The following FRMD4A variants were observed in gnomAD, a reference collection of about 807,000 sequenced individuals.
FRMD4A encodes the protein FERM domain-containing protein 4A.
In FRMD4A, 29 loss-of-function variants were observed where a neutral mutation model predicts 129.1. The ratio of observed to expected loss-of-function variants is 0.22; its 90% CI spans 0.17 to 0.31. The LOEUF is 0.31. Among genes scored for constraint, FRMD4A ranks in the 10% least tolerant of loss-of-function variants. The pLI, the probability that FRMD4A is intolerant of heterozygous loss-of-function variation, is 1.00. For synonymous variants in FRMD4A, 634 were observed against 571.6 expected (o/e 1.11, Z -1.56); for missense variants, 1,272 against 1,375.8 (o/e 0.92, Z 1.19).
intron 2 of FRMD4A, among the ~76,000 whole-genome samples, chr10:14,127,661 T>G (rs1054536306): frequency 2.6e-5 from 4 of 152,194 alleles, no homozygotes; most frequent in African/African-American, 9.7e-5. Flanking sequence ...CTTTTTTGCC[T>G]TTTCACTCAC....
At chr10:14,115,116 A>G (rs1033362121) in intron 2 of FRMD4A, among the ~76,000 whole-genome samples, 1 of 152,196 alleles carries the variant, frequency 6.6e-6, no homozygotes, top group African/African-American at 2.4e-5. Flanking sequence ...AAGGAGACCA[A>G]ATGAGAGCCT....
intron 2 of FRMD4A, among the ~76,000 whole-genome samples, chr10:14,030,849 G>T (rs1183935782): frequency 6.6e-6 from 1 of 152,104 alleles, no homozygotes. Context: ...CATTTTGACA[G>T]CCTCTCCAAT....
intron 2 of FRMD4A, among the ~76,000 whole-genome samples, chr10:13,893,519 C>T (rs1415123393): frequency 6.6e-6 from 1 of 151,798 alleles, no homozygotes. Flanking sequence ...TTCAGACCTA[C>T]AACATTTTTT....
intron 2 of FRMD4A, among the ~76,000 whole-genome samples, chr10:13,958,747 G>A (rs1158096887): frequency 2.6e-5 from 4 of 151,846 alleles, no homozygotes; most frequent in Non-Finnish European, 5.9e-5. Flanking sequence ...CCCCACGCCT[G>A]GCTAATTTTA....
intron 2 of FRMD4A, among the ~76,000 whole-genome samples, chr10:13,897,753 A>G (rs372468435): frequency 9.2e-5 from 14 of 151,830 alleles, no homozygotes; most frequent in African/African-American, 3.1e-4. Flanking sequence ...CCTGGTCAAC[A>G]TGGTGAAACC....
At chr10:14,297,803 C>T (rs1008260194) in intron 2 of FRMD4A, among the ~76,000 whole-genome samples, 2 of 152,130 alleles carry the variant, frequency 1.3e-5, no homozygotes, top group African/African-American at 4.8e-5. Flanking sequence ...CCCTGGGAGT[C>T]CAAGGAGGCA....
At chr10:13,934,238 A>C (rs2095229529) in intron 2 of FRMD4A, among the ~76,000 whole-genome samples, 1 of 152,240 alleles carries the variant, frequency 6.6e-6, no homozygotes, top group South Asian at 2.1e-4. Context: ...TACCTCACTC[A>C]AATGATGCCT....
chr10:13,741,579 T>A (rs1489958901), intron 9 of FRMD4A, among the ~76,000 whole-genome samples: 1 of 152,284 alleles, frequency 6.6e-6, no homozygotes, highest in East Asian at 1.9e-4. Flanking sequence ...CGGGCTGAGC[T>A]CCCTGGGGCC....
intron 2 of FRMD4A, among the ~76,000 whole-genome samples, chr10:14,175,050 A>C (rs1026803116): frequency 1.3e-5 from 2 of 152,192 alleles, no homozygotes; most frequent in South Asian, 4.1e-4. Context: ...GTCAGAGCAT[A>C]ATGCAGTTGA....
rs949543375 is a variant in FRMD4A, at chr10:13,925,670, G to A, written c.46-66758C>T. Among the ~76,000 whole-genome samples, 10 of 130,030 alleles carry A rather than the reference G, an allele frequency of 7.7e-5. No homozygotes were observed. The East Asian group carries it at 7.7e-4, about 10-fold the overall frequency. The allele number at this position is 130,030 out of a possible 152,430, so 85.3% of individuals were successfully genotyped here. A position where few individuals can be genotyped will look rare whatever the true frequency, so the allele number is the denominator to read the frequency against. On this transcript the variant is annotated intron_variant, in intron 2 of 24. Coordinates refer to ENST00000357447, the MANE Select transcript of FRMD4A (RefSeq NM_018027.5). ...GTGATCTCGGCTCACTGCAACTTCC[G>A]CCTCCCAGGTTCAAGCAATTCTCCT...
Position 13,651,913 on chromosome 10 carries a change from C to T in FRMD4A, c.3112G>A (p.Asp1038Asn). 2 of 1,556,596 alleles carry T rather than the reference C, an allele frequency of 1.3e-6. No individual in the cohort carries two copies. The highest frequency in any genetic ancestry group is 1.8e-6 in the Non-Finnish European group (2 of 1,127,402). Residue 1038 changes from aspartate (D) to asparagine (N), a missense_variant, in exon 24 of 25, where the codon GAT becomes AAT. Asp to Asn is a conservative substitution (Grantham distance 23). This residue lies in a region of FRMD4A where 972 missense variants were observed against 892.3 expected (regional missense o/e 1.09). Transcript: ENST00000357447. ...GSESPPHQSTDE is the reference protein window; with the variant it reads ...GSESPPHQSTNE ...CTCCCCTTACGGTACCTCTATTCAT[C>T]AGTACTTTGGTGAGGTGGAGACTCA...
chr10:13,692,125 A>C (rs2085752785), intron 15 of FRMD4A: 1 of 143,488 alleles, frequency 7.0e-6, no homozygotes, highest in Non-Finnish European at 1.5e-5. Flanking sequence ...CTTGAAGCTT[A>C]TAAAATTTTA....
At chr10:13,744,054 A>G (rs1381792628) in intron 9 of FRMD4A, among the ~76,000 whole-genome samples, 1 of 152,106 alleles carries the variant, frequency 6.6e-6, no homozygotes, top group Non-Finnish European at 1.5e-5. Flanking sequence ...TGTTAAGTCA[A>G]ATGACCTCTC....
At chr10:14,094,904 T>C (rs1836866340) in intron 2 of FRMD4A, among the ~76,000 whole-genome samples, 1 of 152,146 alleles carries the variant, frequency 6.6e-6, no homozygotes, top group African/African-American at 2.4e-5. Flanking sequence ...TATGCCTGTG[T>C]ATGAATGTGT....
At chr10:13,870,281 C>A (rs1164211604) in intron 2 of FRMD4A, among the ~76,000 whole-genome samples, 1 of 152,242 alleles carries the variant, frequency 6.6e-6, no homozygotes, top group African/African-American at 2.4e-5. Flanking sequence ...AGACGACTGT[C>A]TGAACATGGA....
intron 2 of FRMD4A, among the ~76,000 whole-genome samples, chr10:14,278,623 G>A (rs191075007): frequency 4.6e-4 from 70 of 152,288 alleles, no homozygotes; most frequent in Non-Finnish European, 8.1e-4. Flanking sequence ...CAAAGAAGCG[G>A]CACGTGTTAG....
chr10:13,974,086 G>A (rs1168815850), intron 2 of FRMD4A, among the ~76,000 whole-genome samples: 2 of 147,858 alleles, frequency 1.4e-5, no homozygotes, highest in Non-Finnish European at 3.0e-5. Flanking sequence ...GGAGTGCAGT[G>A]GTGCGATTTC....
intron 8 of FRMD4A, among the ~76,000 whole-genome samples, chr10:13,751,491 C>T (rs1216590621): frequency 1.3e-5 from 2 of 152,160 alleles, no homozygotes; most frequent in African/African-American, 4.8e-5. Flanking sequence ...GTCAATCTGG[C>T]CAAACTCTGT....
chr10:13,862,135 CAG>C (rs1406867459), intron 2 of FRMD4A, among the ~76,000 whole-genome samples: 3 of 151,904 alleles, frequency 2.0e-5, no homozygotes, highest in South Asian at 2.1e-4. Context: ...AAAGTCTCGA[CAG>C]AGAATAGGGG....
Sources: gnomAD v4.1 joint callset for allele counts (sites outside exome capture counted in the v4.1 genomes callset) on GRCh38, gnomAD v4.1.1 for gene constraint, gnomAD v4.1.1 regional missense constraint, MANE v1.5 for transcripts, NCBI Gene and HGNC (gene_info 2026-07-23, HGNC 2026-07-21) for gene names.